HS3ST4: variants seen among roughly 807,000 people sequenced by gnomAD.
HS3ST4 encodes heparan sulfate-glucosamine 3-sulfotransferase 4.
HS3ST4 carries 17 observed loss-of-function variants against 29.2 expected under a neutral mutation model. The ratio of observed to expected loss-of-function variants is 0.58; its 90% CI spans 0.40 to 0.87. The LOEUF (loss-of-function observed/expected upper bound fraction) is 0.87, where lower values mean the gene tolerates loss of function less well. HS3ST4 is among the 40% of genes least tolerant of loss of function. The probability of loss-of-function intolerance (pLI) is 0.00; values close to 1 mark genes in which losing one functional copy is unlikely to be tolerated. For synonymous variants in HS3ST4, 314 were observed against 285.7 expected, an observed-to-expected ratio of 1.10 and a Z score of -1.00; for missense variants, 627 against 634.5, an observed-to-expected ratio of 0.99 and a Z score of 0.13.
At chr16:25,990,206 C>T (rs1332015030) in intron 1 of HS3ST4, among the ~76,000 whole-genome samples, 1 of 152,202 alleles carries the variant, frequency 6.6e-6, no homozygotes, top group Non-Finnish European at 1.5e-5. Context: ...AGTGCTTTAG[C>T]TGCTATAAAC....
At chr16:25,697,859 G>T (rs1180610587) in intron 1 of HS3ST4, among the ~76,000 whole-genome samples, 1 of 152,124 alleles carries the variant, frequency 6.6e-6, no homozygotes, top group Admixed American at 6.5e-5. Flanking sequence ...CTTTAGTAGA[G>T]ACGGGGTTTC....
At chr16:25,916,942 G>A (rs1184974845) in intron 1 of HS3ST4, among the ~76,000 whole-genome samples, 4 of 152,008 alleles carry the variant, frequency 2.6e-5, no homozygotes, top group Non-Finnish European at 5.9e-5. Context: ...GCCTCTCAAA[G>A]TGCTGGAATT....
At chr16:25,828,291 T>TCTCTCTCC (rs1567249466) in intron 1 of HS3ST4, among the ~76,000 whole-genome samples, 1 of 89,506 alleles carries the variant, frequency 1.1e-5, no homozygotes, top group African/African-American at 4.9e-5. Context: ...TTTCTTTCTT[T>TCTCTCTCC]CTTTCTTTCC....
intron 1 of HS3ST4, among the ~76,000 whole-genome samples, chr16:25,955,271 G>A (rs1337287047): frequency 2.0e-5 from 3 of 152,182 alleles, no homozygotes; most frequent in African/African-American, 4.8e-5. Flanking sequence ...CAGGGATGCT[G>A]TAGAGGGTTA....
chr16:26,125,447 G>A (rs948973169), intron 1 of HS3ST4, among the ~76,000 whole-genome samples: 1 of 152,234 alleles, frequency 6.6e-6, no homozygotes, highest in African/African-American at 2.4e-5. Flanking sequence ...TCTGACAGGA[G>A]GTGGAGCTCA....
chr16:26,106,490 G>A (rs748395604), intron 1 of HS3ST4, among the ~76,000 whole-genome samples: 1 of 152,210 alleles, frequency 6.6e-6, no homozygotes, highest in Non-Finnish European at 1.5e-5. Flanking sequence ...GAAAAGCCAA[G>A]AGGAGCATGT....
intron 1 of HS3ST4, among the ~76,000 whole-genome samples, chr16:25,861,503 A>G (rs550942941): frequency 6.6e-6 from 1 of 152,296 alleles, no homozygotes; most frequent in African/African-American, 2.4e-5. Flanking sequence ...ATATGTGAAA[A>G]CTTTTTGTTT....
chr16:26,044,422 C>T (rs1898242079), intron 1 of HS3ST4, among the ~76,000 whole-genome samples: 1 of 152,146 alleles, frequency 6.6e-6, no homozygotes, highest in African/African-American at 2.4e-5. Context: ...GGAGCCTTTA[C>T]AAAAATCCCT....
intron 1 of HS3ST4, among the ~76,000 whole-genome samples, chr16:26,053,834 G>T (rs1898374514): frequency 1.3e-5 from 2 of 151,890 alleles, no homozygotes; most frequent in African/African-American, 4.8e-5. Flanking sequence ...ATTTTGTGGT[G>T]GTTGCGGTAA....
chr16:26,034,469 T>TAA (rs1969564512), intron 1 of HS3ST4, among the ~76,000 whole-genome samples: 1 of 152,226 alleles, frequency 6.6e-6, no homozygotes, highest in Non-Finnish European at 1.5e-5. Context: ...TTATGCTATG[T>TAA]GCCATACAGA....
In HS3ST4 at chr16:25,714,829, CTG is replaced by C. The variant is rs200828458; in HGVS notation, c.734+21680_734+21681del. On this transcript the variant is annotated intron_variant, in intron 1 of 1. Coordinates refer to ENST00000331351, the MANE Select transcript of HS3ST4 (RefSeq NM_006040.3). The stretch of plus-strand genomic sequence containing the variant: ...ACCACTTCTCTCCTGATGGACATCT[CTG>C]TAGTTTCCATCCTTTTACAAACAAG... 2.6e-5 allele frequency among the ~76,000 whole-genome samples: 4 copies of C among 152,324 alleles called. No individual in the cohort carries two copies. The East Asian group carries it at 7.7e-4, about 29-fold the overall frequency.
chr16:25,697,384 A>G (rs191057342), intron 1 of HS3ST4, among the ~76,000 whole-genome samples: 1 of 152,368 alleles, frequency 6.6e-6, no homozygotes, highest in Admixed American at 6.5e-5. Flanking sequence ...AATAGGTAAA[A>G]TGTCCAAATT....
At chr16:25,832,745 TG>T (rs767494579) in intron 1 of HS3ST4, among the ~76,000 whole-genome samples, 20 of 152,360 alleles carry the variant, frequency 1.3e-4, no homozygotes, top group Admixed American at 2.0e-4. Context: ...CAAAAAGTAC[TG>T]ATTACCTTAG....
chr16:26,019,735 G>A (rs138152949), intron 1 of HS3ST4, among the ~76,000 whole-genome samples: 2 of 152,244 alleles, frequency 1.3e-5, no homozygotes, highest in East Asian at 1.9e-4. Context: ...AACATGGATC[G>A]AGGGCTATTT....
At chr16:25,879,667 A>G (rs973283407) in intron 1 of HS3ST4, among the ~76,000 whole-genome samples, 3 of 152,152 alleles carry the variant, frequency 2.0e-5, no homozygotes, top group African/African-American at 7.2e-5. Context: ...GACTAACCAT[A>G]TCAGGCACTA....
intron 1 of HS3ST4, among the ~76,000 whole-genome samples, chr16:25,715,938 A>G (rs1472384309): frequency 6.6e-6 from 1 of 152,230 alleles, no homozygotes; most frequent in Non-Finnish European, 1.5e-5. Flanking sequence ...GAGAATGACA[A>G]TGCCAAGGAC....
intron 1 of HS3ST4, among the ~76,000 whole-genome samples, chr16:25,834,021 G>GA (rs953108890): frequency 1.3e-4 from 19 of 149,302 alleles, no homozygotes; most frequent in African/African-American, 3.4e-4. Flanking sequence ...TGGCAAATTT[G>GA]AAAAAAAAAT....
At chr16:25,750,348 C>T (rs912100904) in intron 1 of HS3ST4, among the ~76,000 whole-genome samples, 3 of 152,166 alleles carry the variant, frequency 2.0e-5, no homozygotes, top group Admixed American at 6.6e-5. Context: ...TTGGACATCA[C>T]GTACCATCAT....
chr16:25,872,412 G>A (rs887283681), intron 1 of HS3ST4, among the ~76,000 whole-genome samples: 12 of 152,182 alleles, frequency 7.9e-5, no homozygotes, highest in Admixed American at 1.3e-4. Flanking sequence ...ATGATTCTGT[G>A]CTGGTTGGGT....
Sources: allele counts gnomAD v4.1 joint callset (sites outside exome capture counted in the v4.1 genomes callset), GRCh38; gene constraint gnomAD v4.1.1; transcripts MANE v1.5; gene names NCBI Gene and HGNC (gene_info 2026-07-23, HGNC 2026-07-21).